Variants in SLC35B1 observed in about 807,000 individuals in gnomAD.
The protein encoded by SLC35B1 is solute carrier family 35 member B1.
In SLC35B1, 27 loss-of-function variants were observed where a neutral mutation model predicts 36.6. That is an observed-to-expected ratio of 0.74 (90% CI 0.54 to 1.02). The LOEUF (loss-of-function observed/expected upper bound fraction) is 1.02. SLC35B1 is among the 50% of genes least tolerant of loss of function. The pLI is 0.00. For missense variants in SLC35B1, 321 were observed against 383.2 expected (o/e 0.84, Z 1.35); for synonymous variants, 162 against 152.5 (o/e 1.06, Z -0.46).
chr17:49,706,853 T>C, intron 2 of SLC35B1, 112 bp downstream of exon 2: 1 of 751,380 alleles, frequency 1.3e-6, no homozygotes, highest in South Asian at 1.6e-5. Flanking sequence ...AAGTACAAAA[T>C]GGGGTGGAGA....
chr17:49,706,122 T>TTTAAAAA, intron 3 of SLC35B1, 82 bp downstream of exon 3: 3 of 1,239,700 alleles, frequency 2.4e-6, no homozygotes, highest in Non-Finnish European at 3.3e-6. Flanking sequence ...TTTTTTTTTT[T>TTTAAAAA]AACTCACAGA....
intron 5 of SLC35B1, 51 bp downstream of exon 5, chr17:49,705,073 C>T (rs761669167): frequency 1.3e-6 from 2 of 1,599,192 alleles, no homozygotes; most frequent in Middle Eastern, 1.8e-4. Flanking sequence ...TGAGACTATC[C>T]TTTGGTTAAG....
At chr17:49,705,739 C>A in intron 4 of SLC35B1, 127 bp downstream of exon 4, 1 of 873,520 alleles carries the variant, frequency 1.1e-6, no homozygotes, top group South Asian at 1.4e-5. Flanking sequence ...GCAGGGAGAG[C>A]TGGGGGAAAG....
intron 1 of SLC35B1, 181 bp from the exon 2 acceptor site, chr17:49,707,249 A>G: frequency 1.4e-6 from 2 of 1,423,490 alleles, no homozygotes; most frequent in Non-Finnish European, 1.9e-6. Flanking sequence ...TCTAGAAACT[A>G]GACATCCCAG....
chr17:49,707,828 G>A lies in SLC35B1; in HGVS notation c.6C>T (p.Ala2=). 1 of 1,611,918 alleles carries A rather than the reference G, an allele frequency of 6.2e-7. No homozygotes were observed. Among genetic ancestry groups the A allele is most frequent in the Non-Finnish European group, 8.5e-7 (1 of 1,179,806 alleles). ...GGTCGGGCACCAGGGAGCTGCTAGA[G>A]GCCATGAGACGCCCAGAGGAGCCGA... The part of the protein sequence containing the change: M[A]SSSSLVPDRL... Residue 2 remains alanine (A), a synonymous_variant, in exon 1 of 9, where the codon GCC becomes GCT. Coordinates refer to ENST00000240333, the MANE Select transcript of SLC35B1 (RefSeq NM_005827.4).
rs1255606479 is a variant in SLC35B1 at position 49,707,789 on chromosome 17, C to T, written c.45G>A (p.Pro15=). The part of the protein sequence containing the change: ...SSLVPDRLRL[P]LCFLGVFVCY... ...AGACAAAGACACCCAGGAAGCAGAG[C>T]GGCAGGCGCAGCCGGTCGGGCACCA... is the stretch of plus-strand genomic sequence containing the variant. Residue 15 remains proline (P), a synonymous_variant, in exon 1 of 9, where the codon CCG becomes CCA. Coordinates refer to ENST00000240333, the MANE Select transcript of SLC35B1 (RefSeq NM_005827.4). 7 of 1,611,664 alleles carry T rather than the reference C, an allele frequency of 4.3e-6. No individual in the cohort carries two copies. The highest frequency in any genetic ancestry group is 2.7e-5 in the African/African-American group (2 of 74,882).
At chr17:49,706,102 C>CTTTTTTTTTT in intron 3 of SLC35B1, 102 bp downstream of exon 3, 1 of 837,066 alleles carries the variant, frequency 1.2e-6, no homozygotes, top group South Asian at 2.2e-5. Flanking sequence ...GGACCGTTAT[C>CTTTTTTTTTT]TTTTTTTTTT....
chr17:49,707,264 C>T, intron 1 of SLC35B1, 196 bp from the exon 2 acceptor site: 1 of 1,456,132 alleles, frequency 6.9e-7, no homozygotes, highest in Non-Finnish European at 9.1e-7. Flanking sequence ...TCCCAGCCTA[C>T]TGATTCCAAA....
intron 2 of SLC35B1, 155 bp from the exon 3 acceptor site, chr17:49,706,489 C>G: frequency 1.4e-6 from 1 of 695,750 alleles, no homozygotes; most frequent in South Asian, 2.8e-5. Flanking sequence ...TATTTCTGTC[C>G]TGTTACACTG....
Position 49,705,294 on chromosome 17 carries a change from A to T in SLC35B1, c.371-13T>A, listed in dbSNP as rs774140887. On this transcript the variant is annotated splice_polypyrimidine_tract_variant and intron_variant, in intron 4 of 8. Transcript: ENST00000240333. ...CCAAGGAGCATGACTACAGGGAAAAAACAGAGTGGAAAATTCAGGCATCCA... is the reference window on the plus strand; with the variant it reads ...CCAAGGAGCATGACTACAGGGAAAATACAGAGTGGAAAATTCAGGCATCCA... 6.2e-7 allele frequency: 1 copy of T among 1,613,446 alleles called. No individual in the cohort carries two copies. The highest frequency in any genetic ancestry group is 1.7e-4 in the Middle Eastern group (1 of 6,054).
chr17:49,702,331 G>A (rs1421245714), intron 8 of SLC35B1: 1 of 154,042 alleles, frequency 6.5e-6, no homozygotes, highest in African/African-American at 2.4e-5. Flanking sequence ...ATGTTGCCCA[G>A]GCTGGTCTCG....
At chr17:49,707,643 A>T in intron 1 of SLC35B1, 87 bp downstream of exon 1, 1 of 1,498,850 alleles carries the variant, frequency 6.7e-7, no homozygotes, top group Non-Finnish European at 9.1e-7. Flanking sequence ...GGAGGACAAG[A>T]GGAAAGCCCG....
chr17:49,706,457 G>A, intron 2 of SLC35B1, 123 bp from the exon 3 acceptor site: 2 of 924,048 alleles, frequency 2.2e-6, no homozygotes, highest in Non-Finnish European at 3.0e-6. Context: ...AAAGGAACTT[G>A]TCTGTCAAAC....
intron 8 of SLC35B1, 196 bp downstream of exon 8, chr17:49,702,662 G>A (rs1225048053): frequency 5.6e-6 from 3 of 535,740 alleles, no homozygotes; most frequent in Non-Finnish European, 9.8e-6. Flanking sequence ...AACCCAGGAG[G>A]AGGAGGAGGC....
chr17:49,703,969 C>T, intron 6 of SLC35B1, 131 bp downstream of exon 6: 2 of 1,243,996 alleles, frequency 1.6e-6, no homozygotes, highest in Non-Finnish European at 2.3e-6. Context: ...TTCTCAAGGG[C>T]TTGAACAAAA....
At chr17:49,704,357 C>T (rs2073389213) in intron 5 of SLC35B1, 131 bp from the exon 6 acceptor site, 1 of 1,162,604 alleles carries the variant, frequency 8.6e-7, no homozygotes, top group Non-Finnish European at 1.2e-6. Flanking sequence ...AAAACGTTGC[C>T]ATTTGGTCAC....
intron 4 of SLC35B1, 197 bp downstream of exon 4, chr17:49,705,669 C>T (rs2043914962): frequency 1.5e-6 from 1 of 655,036 alleles, no homozygotes; most frequent in Non-Finnish European, 2.7e-6. Context: ...CCTTTAGCTC[C>T]TATTAAGGAT....
At chr17:49,704,939 T>G in intron 5 of SLC35B1, 185 bp downstream of exon 5, 1 of 550,974 alleles carries the variant, frequency 1.8e-6, no homozygotes, top group Admixed American at 3.3e-5. Context: ...TGAGTTGTAG[T>G]TAAATATTTC....
chr17:49,706,381 A>G lies in SLC35B1; in HGVS notation c.209-47T>C, dbSNP rs749966986. On this transcript the variant is annotated intron_variant, in intron 2 of 8. Transcript: ENST00000240333. The stretch of plus-strand genomic sequence containing the variant: ...AAAAAAAAAAGAAAAGAAAAGAAAA[A>G]AAAAAAAAAACAAGAGAAACCTGGT... The G allele has an allele frequency of 9.5e-5, 136 of 1,426,360 alleles. 1 individual carries two copies. The highest frequency in any genetic ancestry group is 1.3e-4 in the African/African-American group (9 of 68,638). 88.4% of individuals were successfully genotyped at this position (1,426,360 alleles called of 1,614,324 possible).
Sources: allele counts gnomAD v4.1 joint callset, GRCh38; gene constraint gnomAD v4.1.1; transcripts MANE v1.5; gene names NCBI Gene and HGNC (gene_info 2026-07-23, HGNC 2026-07-21).